CYP17A1: variants seen among roughly 807,000 people sequenced by gnomAD.
The protein encoded by CYP17A1 is cytochrome P450 family 17 subfamily A member 1.
Under a neutral mutation model 38.5 loss-of-function variants are expected in CYP17A1, and 27 were observed. The ratio of observed to expected loss-of-function variants is 0.70; its 90% CI spans 0.52 to 0.97. The LOEUF (loss-of-function observed/expected upper bound fraction) is 0.97, where lower values mean the gene tolerates loss of function less well. CYP17A1 is among the 50% of genes least tolerant of loss of function. The pLI is 0.00. For missense variants in CYP17A1, 549 were observed against 645.9 expected, an observed-to-expected ratio of 0.85 and a Z score of 1.63; for synonymous variants, 263 against 253.3, an observed-to-expected ratio of 1.04 and a Z score of -0.36.
chr10:102,833,187 T>TA lies in CYP17A1; in HGVS notation c.774dup (p.Ile259TyrfsTer17). 1 of 1,614,160 alleles carries TA rather than the reference T, an allele frequency of 6.2e-7. No homozygotes were observed. Among genetic ancestry groups the TA allele is most frequent in the Non-Finnish European group, 8.5e-7 (1 of 1,180,028 alleles). ...ATCAGTGTGTCCAGCATGTTGGTGA[T>TA]AGAGTCACTCCGGAATTTCTCCTGG... is the stretch of plus-strand genomic sequence containing the variant. On this transcript the variant is annotated frameshift_variant, in exon 5 of 8. Transcript: ENST00000369887. LOFTEE classifies it high-confidence loss of function.
intron 3 of CYP17A1, chr10:102,834,392 G>A: frequency 1.8e-6 from 1 of 555,584 alleles, no homozygotes; most frequent in Non-Finnish European, 3.3e-6. Flanking sequence ...TATGTGTCCA[G>A]CCCTTAGGAG....
In CYP17A1 at chr10:102,833,961, G is replaced by A. The variant is rs191210042; in HGVS notation, c.753+75C>T. 8.2e-5 allele frequency: 66 copies of A among 800,356 alleles called. No homozygotes were observed. In the East Asian group the frequency reaches 1.5e-3, roughly 18 times the overall value. 49.6% of individuals were successfully genotyped at this position (800,356 alleles called of 1,614,324 possible). ...TGCTTGGTTTTGAAGCTTCTACAGT[G>A]TGTAGAATGGACTCCACCCTGCTCT... is the stretch of plus-strand genomic sequence containing the variant. On this transcript the variant is annotated intron_variant, in intron 4 of 7. Coordinates refer to ENST00000369887, the MANE Select transcript of CYP17A1 (RefSeq NM_000102.4).
chr10:102,832,776 T>C, intron 5 of CYP17A1, 96 bp from the exon 6 acceptor site: 2 of 1,253,702 alleles, frequency 1.6e-6, no homozygotes, highest in Admixed American at 3.4e-5. Flanking sequence ...GAGAAGAGCC[T>C]GTCCAGTCCC....
At chr10:102,835,196 C>A (rs1201120298) in intron 2 of CYP17A1, 58 bp downstream of exon 2, 2 of 1,508,094 alleles carry the variant, frequency 1.3e-6, no homozygotes, top group Non-Finnish European at 1.8e-6. Context: ...ACCCTCCTCT[C>A]CCTCCAGCAG....
chr10:102,836,125 T>C (rs1304009210), intron 1 of CYP17A1, among the ~76,000 whole-genome samples: 1 of 152,074 alleles, frequency 6.6e-6, no homozygotes, highest in Non-Finnish European at 1.5e-5. Flanking sequence ...ACCTGGCTGA[T>C]TGGTCCAAGA....
At position 102,833,003 on chromosome 10, in the gene CYP17A1, T is replaced by C. The variant is rs775438211; in HGVS notation, c.959A>G (p.His320Arg). ...GAGGGGGAAGCACACCTGAGGATTGTGCAGCAGGAAGGCCAGGGTCCATTT... is the reference window on the plus strand; with the variant it reads ...GAGGGGGAAGCACACCTGAGGATTGCGCAGCAGGAAGGCCAGGGTCCATTT... ...VVKWTLAFLLHNPQVKKKLYE... is the reference protein window; with the variant it reads ...VVKWTLAFLLRNPQVKKKLYE... The change falls in exon 5 of 8, where the codon CAC (histidine) becomes CGC (arginine). Residue 320 changes from histidine to arginine, a missense_variant. This residue lies in a region of CYP17A1 where 257 missense variants were observed against 307.9 expected (regional missense o/e 0.83). Transcript: ENST00000369887. 2 of 1,614,126 alleles carry C rather than the reference T, an allele frequency of 1.2e-6. No homozygotes were observed. Among genetic ancestry groups the C allele is most frequent in the Non-Finnish European group, 1.7e-6 (2 of 1,180,026 alleles).
At chr10:102,836,994 G>A (rs1002694576) in intron 1 of CYP17A1, 71 bp downstream of exon 1, 3 of 884,000 alleles carry the variant, frequency 3.4e-6, no homozygotes, top group Non-Finnish European at 5.8e-6. Flanking sequence ...CCCCATTCTA[G>A]GCATGGTCTG....
Position 102,830,566 on chromosome 10 carries a change from G to A in CYP17A1, c.*136C>T. 1 of 643,254 alleles carries A rather than the reference G, an allele frequency of 1.6e-6. No homozygotes were observed. The highest frequency in any genetic ancestry group is 1.8e-5 in the African/African-American group (1 of 55,110). 39.8% of individuals were successfully genotyped at this position (643,254 alleles called of 1,614,324 possible). ...AAAAAAACTGTTTATGCACATCACT[G>A]GCATTGCCACAAGCTGAAAAAGAAG... On this transcript the variant is annotated 3_prime_UTR_variant, in exon 8 of 8. Coordinates refer to ENST00000369887, the MANE Select transcript of CYP17A1 (RefSeq NM_000102.4). The surrounding 1 kb of genome is among the most constrained non-coding windows in gnomAD (Gnocchi z 4.1).
intron 6 of CYP17A1, 68 bp downstream of exon 6, chr10:102,832,443 G>A (rs551597017): frequency 9.6e-7 from 1 of 1,042,318 alleles, no homozygotes; most frequent in East Asian, 2.4e-5. Flanking sequence ...GGTAGGGGGA[G>A]CCAGGTGGGC....
At chr10:102,835,604 A>C in intron 1 of CYP17A1, 1 of 608,260 alleles carries the variant, frequency 1.6e-6, no homozygotes, top group East Asian at 2.8e-5. Context: ...CTTCAGAAAT[A>C]CAGTAGATCA....
chr10:102,836,529 G>A (rs1433297876), intron 1 of CYP17A1, among the ~76,000 whole-genome samples: 1 of 150,846 alleles, frequency 6.6e-6, no homozygotes, highest in Non-Finnish European at 1.5e-5. Context: ...CAGCAACCCT[G>A]AAATGTCATT....
chr10:102,834,929 C>T lies in CYP17A1; in HGVS notation c.522G>A (p.Ala174=), dbSNP rs369081864. 45 of 1,613,486 alleles carry T rather than the reference C, an allele frequency of 2.8e-5. No individual in the cohort carries two copies. In the East Asian group the frequency reaches 5.8e-4, roughly 21 times the overall value. The change falls in exon 3 of 8, where the codon GCG becomes GCA. Residue 174 remains alanine, a synonymous_variant. Coordinates refer to ENST00000369887, the MANE Select transcript of CYP17A1 (RefSeq NM_000102.4). ...AGATCAAGGAGATGACATTGGTTAC[C>T]GCCACGAAGACAGGAAAGGAGATGT... ...SIDISFPVFV[A]VTNVISLICF...
chr10:102,831,275 C>T (rs3020723), intron 7 of CYP17A1, among the ~76,000 whole-genome samples: 10 of 152,236 alleles, frequency 6.6e-5, no homozygotes, highest in Middle Eastern at 3.4e-3. Flanking sequence ...CAGACAGAGG[C>T]GTAGAGGGCT....
intron 1 of CYP17A1, among the ~76,000 whole-genome samples, chr10:102,836,120 G>A (rs1844158399): frequency 6.6e-6 from 1 of 152,120 alleles, no homozygotes; most frequent in Admixed American, 6.5e-5. Flanking sequence ...AGCAGACCTG[G>A]CTGATTGGTC....
At position 102,830,548 on chromosome 10, in the gene CYP17A1, CTG is replaced by C. The variant is rs1019015150; in HGVS notation, c.*152_*153del. ...CAGGGACCTTATGGAAAAAAAAAAA[CTG>C]TTTATGCACATCACTGGCATTGCCA... On this transcript the variant is annotated 3_prime_UTR_variant, in exon 8 of 8. Coordinates refer to ENST00000369887, the MANE Select transcript of CYP17A1 (RefSeq NM_000102.4). The surrounding 1 kb of genome is among the most constrained non-coding windows in gnomAD (Gnocchi z 4.1). 5.0e-6 allele frequency: 3 copies of C among 601,918 alleles called. No individual in the cohort carries two copies. Among genetic ancestry groups the C allele is most frequent in the Admixed American group, 2.9e-5 (1 of 34,264 alleles). 37.3% of individuals were successfully genotyped at this position (601,918 alleles called of 1,614,324 possible).
In CYP17A1 at chr10:102,833,041, G is replaced by C; in HGVS notation, c.921C>G (p.Thr307=). Residue 307 remains threonine, a synonymous_variant, in exon 5 of 8, where the codon ACC becomes ACG. Coordinates refer to ENST00000369887, the MANE Select transcript of CYP17A1 (RefSeq NM_000102.4). ...CCAGGGTCCATTTAACCACAGAGGTGGTGGTCTCCACGCCAGCCCCAAAGA... is the reference window on the plus strand; with the variant it reads ...CCAGGGTCCATTTAACCACAGAGGTCGTGGTCTCCACGCCAGCCCCAAAGA... ...GDIFGAGVET[T]TSVVKWTLAF... 1 of 1,614,192 alleles carries C rather than the reference G, an allele frequency of 6.2e-7. No individual in the cohort carries two copies. Among genetic ancestry groups the C allele is most frequent in the Non-Finnish European group, 8.5e-7 (1 of 1,180,036 alleles).
intron 1 of CYP17A1, among the ~76,000 whole-genome samples, chr10:102,836,479 A>G (rs1027859406): frequency 1.4e-4 from 20 of 140,446 alleles, no homozygotes; most frequent in South Asian, 6.8e-4. Context: ...AAAAAAAAAA[A>G]TGCTGAGAGG....
chr10:102,831,366 G>T, intron 7 of CYP17A1, 142 bp downstream of exon 7: 2 of 1,383,974 alleles, frequency 1.4e-6, no homozygotes, highest in East Asian at 2.5e-5. Context: ...GTCTATGGCA[G>T]GATGAGGGTG....
intron 7 of CYP17A1, 77 bp downstream of exon 7, chr10:102,831,431 G>T: frequency 6.3e-7 from 1 of 1,589,680 alleles, no homozygotes; most frequent in South Asian, 1.1e-5. Flanking sequence ...GCTTGGCAGA[G>T]GTGAAGGGGT....
Sources: allele counts gnomAD v4.1 joint callset (sites outside exome capture counted in the v4.1 genomes callset), GRCh38; gene constraint gnomAD v4.1.1; regional missense constraint gnomAD v4.1.1; non-coding constraint Gnocchi (gnomAD v3.1); transcripts MANE v1.5; gene names NCBI Gene and HGNC (gene_info 2026-07-23, HGNC 2026-07-21).